GALNT2: variants seen among roughly 807,000 people sequenced by gnomAD.
GALNT2 encodes the protein polypeptide N-acetylgalactosaminyltransferase 2.
In GALNT2, 31 loss-of-function variants were observed where a neutral mutation model predicts 81.4. That is an observed-to-expected ratio of 0.38 (90% CI 0.29 to 0.51). The LOEUF (loss-of-function observed/expected upper bound fraction) is 0.51. GALNT2 is among the 20% of genes least tolerant of loss of function. The pLI is 0.87. For missense variants in GALNT2, 629 were observed against 765.7 expected, an observed-to-expected ratio of 0.82 and a Z score of 2.11; for synonymous variants, 303 against 287.4, an observed-to-expected ratio of 1.05 and a Z score of -0.55.
chr1:230,199,207 T>G (rs981590164), intron 2 of GALNT2, among the ~76,000 whole-genome samples: 1 of 152,192 alleles, frequency 6.6e-6, no homozygotes, highest in Non-Finnish European at 1.5e-5. Context: ...TTTTGTTGGT[T>G]GTTTTGTGGC....
Position 230,262,926 on chromosome 1 carries a change from C to G in GALNT2, c.1234C>G (p.Gln412Glu). The G allele has an allele frequency of 6.2e-7, 1 of 1,613,474 alleles. No homozygotes were observed. The highest frequency in any genetic ancestry group is 8.5e-7 in the Non-Finnish European group (1 of 1,179,380). The change falls in exon 13 of 16, where the codon CAG (glutamine) becomes GAG (glutamate). Residue 412 changes from glutamine (Q) to glutamate (E), a missense_variant. Gln to Glu is a conservative substitution (Grantham distance 29). Coordinates refer to ENST00000366672, the MANE Select transcript of GALNT2 (RefSeq NM_004481.5). Reference protein sequence around the residue: ...SARNVPYGNIQSRLELRKKLS... With the variant: ...SARNVPYGNIESRLELRKKLS... ...TCTTATTTCCCTCTTCTCCAGTATT[C>G]AGAGCAGATTGGAGCTTAGGAAGAA...
chr1:230,275,613 T>C lies in GALNT2; in HGVS notation c.1560+1049T>C, dbSNP rs1461872447. ...TACATATAGATACATGCTACATTTA[T>C]ATAAACACCACATATATATACGCCA... On this transcript the variant is annotated intron_variant, in intron 15 of 15. Coordinates refer to ENST00000366672, the MANE Select transcript of GALNT2 (RefSeq NM_004481.5). This position sits in a 1 kb window ranked among gnomAD's most constrained non-coding sequence, Gnocchi z 5.5. Among the ~76,000 whole-genome samples, 3 of 151,382 alleles carry C rather than the reference T, an allele frequency of 2.0e-5. No individual in the cohort carries two copies. Among genetic ancestry groups the C allele is most frequent in the Non-Finnish European group, 4.4e-5 (3 of 67,806 alleles).
chr1:230,154,018 C>T (rs1662170332), intron 1 of GALNT2, among the ~76,000 whole-genome samples: 1 of 152,168 alleles, frequency 6.6e-6, no homozygotes, highest in African/African-American at 2.4e-5. Context: ...CTCTTTTCAC[C>T]CATTGTTTGG....
chr1:230,167,803 A>G (rs567242724), intron 1 of GALNT2, among the ~76,000 whole-genome samples: 1 of 152,240 alleles, frequency 6.6e-6, no homozygotes, highest in African/African-American at 2.4e-5. Flanking sequence ...CGGCTGCTCC[A>G]CTGTGGCCCT....
chr1:230,272,115 G>T (rs539049514), intron 14 of GALNT2, among the ~76,000 whole-genome samples: 1 of 152,152 alleles, frequency 6.6e-6, no homozygotes, highest in Non-Finnish European at 1.5e-5. Context: ...AATGACAAGG[G>T]TTTTAGGAGC....
rs1054261580 is a variant in GALNT2 at position 230,271,315 on chromosome 1, T to C, written c.1441-3130T>C. On this transcript the variant is annotated intron_variant, in intron 14 of 15. Transcript: ENST00000366672. This position sits in a 1 kb window ranked among gnomAD's most constrained non-coding sequence, Gnocchi z 4.2. ...CTTCCATACTCTGTGACCCAGTGAA[T>C]AGGAAAAAAGCTGCTTTTCCTCCTT... 2.6e-5 allele frequency among the ~76,000 whole-genome samples: 4 copies of C among 152,218 alleles called. No homozygotes were observed. The highest frequency in any genetic ancestry group is 9.6e-5 in the African/African-American group (4 of 41,456).
intron 13 of GALNT2, 196 bp downstream of exon 13, chr1:230,263,201 C>G: frequency 3.4e-6 from 2 of 580,460 alleles, no homozygotes; most frequent in Non-Finnish European, 6.1e-6. Flanking sequence ...CTGTCTCTGT[C>G]CTGCAGAGCT....
chr1:230,111,095 A>G (rs1264412165), intron 1 of GALNT2, among the ~76,000 whole-genome samples: 1 of 152,210 alleles, frequency 6.6e-6, no homozygotes, highest in East Asian at 1.9e-4. Flanking sequence ...ATGTGTCTGC[A>G]TTTATGTACA....
chr1:230,242,557 A>G (rs904740301), intron 6 of GALNT2, among the ~76,000 whole-genome samples: 3 of 152,054 alleles, frequency 2.0e-5, no homozygotes, highest in African/African-American at 7.2e-5. Context: ...ATTTTGAGAC[A>G]GGGACTCACT....
intron 1 of GALNT2, among the ~76,000 whole-genome samples, chr1:230,106,576 G>A (rs61825391): frequency 0.024 from 3,621 of 152,326 alleles, 126 homozygotes; most frequent in East Asian, 0.097. Flanking sequence ...AGGTTGAGAT[G>A]GGAACAGGAT....
intron 15 of GALNT2, among the ~76,000 whole-genome samples, chr1:230,277,090 G>C (rs7529464): frequency 0.29 from 44,865 of 152,108 alleles, 7,406 homozygotes; most frequent in African/African-American, 0.44. Context: ...AACTGACACG[G>C]CTTAGGACCT....
chr1:230,236,174 A>T (rs1665024252), intron 4 of GALNT2, 62 bp downstream of exon 4: 2 of 1,535,906 alleles, frequency 1.3e-6, no homozygotes. Context: ...TCCCAGGCAC[A>T]GTCAGACCAG....
At chr1:230,182,895 G>A (rs1395716459) in intron 2 of GALNT2, among the ~76,000 whole-genome samples, 2 of 152,156 alleles carry the variant, frequency 1.3e-5, no homozygotes, top group Non-Finnish European at 1.5e-5. Flanking sequence ...ATCATGAACT[G>A]CATGGACATT....
chr1:230,205,281 G>A (rs1664025897), intron 3 of GALNT2, among the ~76,000 whole-genome samples: 2 of 152,106 alleles, frequency 1.3e-5, no homozygotes, highest in Non-Finnish European at 2.9e-5. Flanking sequence ...CTTTCTTTGG[G>A]TTCTAGTCAG....
At chr1:230,225,388 T>G (rs1664675351) in intron 3 of GALNT2, among the ~76,000 whole-genome samples, 1 of 152,186 alleles carries the variant, frequency 6.6e-6, no homozygotes, top group Non-Finnish European at 1.5e-5. Flanking sequence ...GGTTGAGAGA[T>G]GCATCCGCAG....
At position 230,067,337 on chromosome 1, in the gene GALNT2, C is replaced by A; in HGVS notation, c.57C>A (p.Ile19=). The A allele has an allele frequency of 7.2e-7, 1 of 1,385,912 alleles. No individual in the cohort carries two copies. Among genetic ancestry groups the A allele is most frequent in the Non-Finnish European group, 9.5e-7 (1 of 1,057,196 alleles). The allele number at this position is 1,385,912 out of a possible 1,614,324, so 85.9% of individuals were successfully genotyped here. A position where few individuals can be genotyped will look rare whatever the true frequency, so the allele number is the denominator to read the frequency against. Residue 19 remains isoleucine (I), a synonymous_variant, in exon 1 of 16, where the codon ATC becomes ATA. Coordinates refer to ENST00000366672, the MANE Select transcript of GALNT2 (RefSeq NM_004481.5). The stretch of plus-strand genomic sequence containing the variant: ...TCGCCTTCCTGTGGGTGCTGGGCAT[C>A]GCCTACTACATGTACTCGGGGGGCG... The part of the protein sequence containing the change: ...LCFAFLWVLG[I]AYYMYSGGGS...
chr1:230,078,052 A>G (rs1405758833), intron 1 of GALNT2, among the ~76,000 whole-genome samples: 1 of 152,230 alleles, frequency 6.6e-6, no homozygotes, highest in Non-Finnish European at 1.5e-5. Context: ...TGCCGACGTC[A>G]TTGATTGTGA....
chr1:230,162,980 A>G (rs1662481942), intron 1 of GALNT2, among the ~76,000 whole-genome samples: 1 of 152,174 alleles, frequency 6.6e-6, no homozygotes, highest in Non-Finnish European at 1.5e-5. Context: ...GTACACATTA[A>G]ATCAATGTGT....
At chr1:230,165,773 A>G (rs1325937689) in intron 1 of GALNT2, among the ~76,000 whole-genome samples, 2 of 152,274 alleles carry the variant, frequency 1.3e-5, no homozygotes, top group Admixed American at 6.5e-5. Context: ...GTCCCAGGGC[A>G]GCACTCGAGA....
Sources: allele counts gnomAD v4.1 joint callset (sites outside exome capture counted in the v4.1 genomes callset), GRCh38; gene constraint gnomAD v4.1.1; non-coding constraint Gnocchi (gnomAD v3.1); transcripts MANE v1.5; gene names NCBI Gene and HGNC (gene_info 2026-07-23, HGNC 2026-07-21).